Variants in PIK3CB observed in about 807,000 individuals in gnomAD.
PIK3CB encodes the protein phosphatidylinositol 4,5-bisphosphate 3-kinase catalytic subunit beta isoform.
A neutral mutation model predicts 136.8 loss-of-function variants in PIK3CB; 39 were observed. The ratio of observed to expected loss-of-function variants is 0.29; its 90% CI spans 0.22 to 0.37. The LOEUF (loss-of-function observed/expected upper bound fraction) is 0.37, where lower values mean the gene tolerates loss of function less well. PIK3CB is among the 10% of genes least tolerant of loss of function. PIK3CB has a pLI of 1.00. For synonymous variants in PIK3CB, 428 were observed against 436.6 expected, an observed-to-expected ratio of 0.98 and a Z score of 0.25; for missense variants, 868 against 1,275.4, an observed-to-expected ratio of 0.68 and a Z score of 4.87.
chr3:138,717,274 A>G (rs1486155691), intron 8 of PIK3CB, among the ~76,000 whole-genome samples: 3 of 151,730 alleles, frequency 2.0e-5, no homozygotes, highest in Non-Finnish European at 4.4e-5. Context: ...AAAAAAAAGA[A>G]GTAGTTTATA....
intron 2 of PIK3CB, among the ~76,000 whole-genome samples, chr3:138,767,962 T>C (rs2045755498): frequency 6.6e-6 from 1 of 152,252 alleles, no homozygotes; most frequent in African/African-American, 2.4e-5. Flanking sequence ...CAGCCCTGTT[T>C]GTGTTACAGT....
rs372389399 is a variant in PIK3CB, at chr3:138,691,093, T to C, written c.1943A>G (p.Tyr648Cys). The C allele has an allele frequency of 1.2e-6, 2 of 1,613,008 alleles. No homozygotes were observed. The highest frequency in any genetic ancestry group is 1.3e-5 in the African/African-American group (1 of 74,906). The change falls in exon 15 of 24, where the codon TAT becomes TGT. Residue 648 changes from tyrosine to cysteine, a missense_variant. Tyr to Cys is a radical substitution (Grantham distance 194). Transcript: ENST00000674063. ...GAGGGCACAATCAAGAAAAGGCTCA[T>C]ATTTTAACACTTGCACCAGTTGTAA... ...YLLQLVQVLK[Y>C]EPFLDCALSR...
intron 19 of PIK3CB, among the ~76,000 whole-genome samples, chr3:138,680,135 A>G (rs2043738506): frequency 6.6e-6 from 1 of 152,044 alleles, no homozygotes; most frequent in Non-Finnish European, 1.5e-5. Context: ...CAAGGCAGGC[A>G]GATCACAAGG....
chr3:138,724,886 A>G (rs958912324), intron 8 of PIK3CB, among the ~76,000 whole-genome samples: 1 of 152,184 alleles, frequency 6.6e-6, no homozygotes, highest in Non-Finnish European at 1.5e-5. Flanking sequence ...AGAATACTAC[A>G]TGACCTTCAA....
At chr3:138,688,378 G>A (rs1464750863) in intron 16 of PIK3CB, among the ~76,000 whole-genome samples, 1 of 151,638 alleles carries the variant, frequency 6.6e-6, no homozygotes, top group African/African-American at 2.4e-5. Context: ...GCGCATGCCT[G>A]TAGTCCCAGC....
chr3:138,679,694 C>A (rs1009799549), intron 19 of PIK3CB, among the ~76,000 whole-genome samples: 7 of 151,302 alleles, frequency 4.6e-5, no homozygotes, highest in Non-Finnish European at 7.4e-5. Flanking sequence ...AGAAATCCTC[C>A]CTCCTCAGCT....
chr3:138,736,692 T>G (rs1345555918), intron 6 of PIK3CB, among the ~76,000 whole-genome samples: 1 of 152,166 alleles, frequency 6.6e-6, no homozygotes, highest in Non-Finnish European at 1.5e-5. Flanking sequence ...AAAAATAATC[T>G]GGGGCAATTC....
intron 2 of PIK3CB, among the ~76,000 whole-genome samples, chr3:138,787,188 A>C (rs2045989828): frequency 6.6e-6 from 1 of 152,158 alleles, no homozygotes; most frequent in Non-Finnish European, 1.5e-5. Flanking sequence ...CTGTTTACTC[A>C]TAGTGTTCAC....
chr3:138,751,971 TAAAAAAAAA>T (rs11328258), intron 4 of PIK3CB, among the ~76,000 whole-genome samples: 1 of 114,694 alleles, frequency 8.7e-6, no homozygotes, highest in Admixed American at 8.9e-5. Flanking sequence ...ACTCTGTATA[TAAAAAAAAA>T]AAAAAAAAAA....
chr3:138,809,706 G>C (rs1434101171), intron 1 of PIK3CB, among the ~76,000 whole-genome samples: 1 of 151,998 alleles, frequency 6.6e-6, no homozygotes, highest in African/African-American at 2.4e-5. Context: ...GAATGGACTG[G>C]AGTTAGAAAC....
chr3:138,814,198 G>A (rs1050164242), intron 1 of PIK3CB, among the ~76,000 whole-genome samples: 2 of 152,030 alleles, frequency 1.3e-5, no homozygotes, highest in East Asian at 1.9e-4. Flanking sequence ...ATTGAGTTGG[G>A]TGGGTGCAGT....
Position 138,673,848 on chromosome 3 carries a change from G to C in PIK3CB, c.2504+8119C>G, listed in dbSNP as rs372603569. Among the ~76,000 whole-genome samples the C allele has an allele frequency of 9.9e-5, 15 of 152,276 alleles. No homozygotes were observed. The East Asian group carries it at 1.2e-3, about 12-fold the overall frequency. Reference sequence around the variant, plus strand: ...CATGTCTGACAGCCACTAGAGGAAAGAAAAATGAAGTTGGAGCTCCTTCAA... The same window carrying C: ...CATGTCTGACAGCCACTAGAGGAAACAAAAATGAAGTTGGAGCTCCTTCAA... On this transcript the variant is annotated intron_variant, in intron 19 of 23. Transcript: ENST00000674063.
intron 2 of PIK3CB, chr3:138,778,156 T>C: frequency 2.2e-6 from 1 of 445,040 alleles, no homozygotes; most frequent in Non-Finnish European, 4.5e-6. Flanking sequence ...TGGGGCTCAT[T>C]TAAAAGGAGA....
intron 12 of PIK3CB, among the ~76,000 whole-genome samples, chr3:138,703,326 C>T (rs2044292410): frequency 6.6e-6 from 1 of 152,042 alleles, no homozygotes; most frequent in Non-Finnish European, 1.5e-5. Flanking sequence ...ACCAACTGGC[C>T]AAAATTAAAT....
chr3:138,657,618 G>A lies in PIK3CB; in HGVS notation c.2942+72C>T. 2.3e-6 allele frequency: 3 copies of A among 1,314,726 alleles called. No individual in the cohort carries two copies. In the South Asian group the frequency reaches 3.9e-5, roughly 17 times the overall value. 81.4% of individuals were successfully genotyped at this position (1,314,726 alleles called of 1,614,324 possible). A position where few individuals can be genotyped will look rare whatever the true frequency, so the allele number is the denominator to read the frequency against. ...CCAGATCCAAATATATCTCAGCTAAGAAATGCTGGTCCACCTGGTCAGATA... is the reference window on the plus strand; with the variant it reads ...CCAGATCCAAATATATCTCAGCTAAAAAATGCTGGTCCACCTGGTCAGATA... On this transcript the variant is annotated intron_variant, in intron 22 of 23. Transcript: ENST00000674063.
At chr3:138,794,859 A>G (rs986699544) in intron 2 of PIK3CB, among the ~76,000 whole-genome samples, 5 of 152,146 alleles carry the variant, frequency 3.3e-5, no homozygotes, top group Non-Finnish European at 5.9e-5. Context: ...CATACAACCT[A>G]TGCATATCTT....
At chr3:138,749,199 A>C (rs1276391383) in intron 4 of PIK3CB, among the ~76,000 whole-genome samples, 2 of 152,170 alleles carry the variant, frequency 1.3e-5, no homozygotes, top group African/African-American at 2.4e-5. Context: ...GACGAAAGGG[A>C]AATAAGTACC....
chr3:138,728,335 A>G (rs922425992), intron 8 of PIK3CB, among the ~76,000 whole-genome samples: 1 of 152,174 alleles, frequency 6.6e-6, no homozygotes, highest in South Asian at 2.1e-4. Flanking sequence ...TCAAGAACAC[A>G]CCAATATTCC....
intron 8 of PIK3CB, among the ~76,000 whole-genome samples, chr3:138,726,592 A>C (rs979127876): frequency 4.6e-5 from 7 of 152,200 alleles, no homozygotes; most frequent in Non-Finnish European, 8.8e-5. Context: ...AGAGGAGAAA[A>C]AGAGGTACAA....
Sources: gnomAD v4.1 joint callset for allele counts (sites outside exome capture counted in the v4.1 genomes callset) on GRCh38, gnomAD v4.1.1 for gene constraint, MANE v1.5 for transcripts, NCBI Gene and HGNC (gene_info 2026-07-23, HGNC 2026-07-21) for gene names.